The following SLC2A13 variants were observed in gnomAD, a reference collection of about 807,000 sequenced individuals.
SLC2A13 encodes proton myo-inositol cotransporter.
Under a neutral mutation model 64.4 loss-of-function variants are expected in SLC2A13, and 32 were observed. The ratio of observed to expected loss-of-function variants is 0.50; its 90% CI spans 0.37 to 0.67. The LOEUF (loss-of-function observed/expected upper bound fraction) is 0.67. Among genes scored for constraint, SLC2A13 ranks in the 30% least tolerant of loss-of-function variants. SLC2A13 has a pLI of 0.00. For synonymous variants in SLC2A13, 338 were observed against 327.1 expected, an observed-to-expected ratio of 1.03 and a Z score of -0.36; for missense variants, 743 against 829.2, an observed-to-expected ratio of 0.90 and a Z score of 1.28.
intron 4 of SLC2A13, among the ~76,000 whole-genome samples, chr12:39,898,938 T>A (rs1945002753): frequency 1.3e-5 from 2 of 152,178 alleles, no homozygotes; most frequent in Non-Finnish European, 2.9e-5. Flanking sequence ...TGATCTAAAA[T>A]TCTCTTTTTT....
At chr12:40,018,789 G>A (rs1442427566) in intron 3 of SLC2A13, among the ~76,000 whole-genome samples, 1 of 152,102 alleles carries the variant, frequency 6.6e-6, no homozygotes, top group Non-Finnish European at 1.5e-5. Context: ...CAATCTCAGG[G>A]TGTCTCCAGG....
At chr12:40,011,813 GCAAAATGAAAATGTGAGTC>G in intron 3 of SLC2A13, among the ~76,000 whole-genome samples, 1 of 152,152 alleles carries the variant, frequency 6.6e-6, no homozygotes, top group South Asian at 2.1e-4. Context: ...AGGGCTGAGG[GCAAAATGAAAATGTGAGTC>G]CCGTGCTCAA....
At chr12:39,863,488 T>C (rs547733318) in intron 6 of SLC2A13, among the ~76,000 whole-genome samples, 10 of 152,162 alleles carry the variant, frequency 6.6e-5, no homozygotes, top group Non-Finnish European at 1.3e-4. Flanking sequence ...TGGAGAATAT[T>C]CTATGATTCT....
chr12:39,935,154 C>G (rs1945897139), intron 4 of SLC2A13, among the ~76,000 whole-genome samples: 1 of 152,122 alleles, frequency 6.6e-6, no homozygotes, highest in African/African-American at 2.4e-5. Context: ...CTTAGGAAGG[C>G]AGAGGTGGGA....
intron 7 of SLC2A13, among the ~76,000 whole-genome samples, chr12:39,822,450 C>G (rs1942551315): frequency 6.6e-6 from 1 of 152,186 alleles, no homozygotes; most frequent in African/African-American, 2.4e-5. Flanking sequence ...GATCTAAACT[C>G]ATATTTACTG....
intron 6 of SLC2A13, among the ~76,000 whole-genome samples, chr12:39,859,193 C>CTA (rs1449079362): frequency 6.6e-6 from 1 of 151,476 alleles, no homozygotes; most frequent in Non-Finnish European, 1.5e-5. Context: ...AAATGTGAAA[C>CTA]TATCACTATA....
At chr12:40,037,178 T>C (rs1948002127) in intron 2 of SLC2A13, among the ~76,000 whole-genome samples, 1 of 152,182 alleles carries the variant, frequency 6.6e-6, no homozygotes, top group African/African-American at 2.4e-5. Context: ...GAAATTGGAC[T>C]CAAATTTACT....
chr12:40,016,165 A>G (rs963878029), intron 3 of SLC2A13, among the ~76,000 whole-genome samples: 61 of 152,090 alleles, frequency 4.0e-4, no homozygotes, highest in African/African-American at 1.4e-3. Flanking sequence ...AGAATAAAGA[A>G]CTTATAATTT....
intron 1 of SLC2A13, among the ~76,000 whole-genome samples, chr12:40,096,334 CTG>C (rs1938942230): frequency 6.6e-6 from 1 of 152,018 alleles, no homozygotes; most frequent in South Asian, 2.1e-4. Context: ...TATTTACTAA[CTG>C]TATTTTTCTT....
intron 4 of SLC2A13, among the ~76,000 whole-genome samples, chr12:39,884,740 G>A (rs537625757): frequency 1.3e-5 from 2 of 152,278 alleles, no homozygotes; most frequent in East Asian, 1.9e-4. Flanking sequence ...TGAAGGCAGC[G>A]ATGAGCTCCA....
chr12:39,896,250 AT>A (rs1262213854), intron 4 of SLC2A13, among the ~76,000 whole-genome samples: 2 of 99,822 alleles, frequency 2.0e-5, no homozygotes, highest in East Asian at 6.8e-4. Flanking sequence ...ATATGTATAC[AT>A]GTATGTATAT....
At chr12:40,009,805 T>A (rs1026883054) in intron 3 of SLC2A13, among the ~76,000 whole-genome samples, 2 of 152,106 alleles carry the variant, frequency 1.3e-5, no homozygotes, top group Non-Finnish European at 2.9e-5. Flanking sequence ...GAGACATGGG[T>A]CCTAAAACAA....
chr12:40,020,658 CT>C (rs2136206373), intron 3 of SLC2A13, among the ~76,000 whole-genome samples: 1 of 152,180 alleles, frequency 6.6e-6, no homozygotes, highest in East Asian at 1.9e-4. Context: ...TAAAGAATGG[CT>C]CCTGTGCCTT....
At chr12:39,909,661 A>G (rs914792461) in intron 4 of SLC2A13, among the ~76,000 whole-genome samples, 1 of 152,156 alleles carries the variant, frequency 6.6e-6, no homozygotes, top group Non-Finnish European at 1.5e-5. Flanking sequence ...AAGTCATGGT[A>G]GTCAAGGGGA....
chr12:40,001,294 T>C (rs1947317994), intron 3 of SLC2A13, among the ~76,000 whole-genome samples: 1 of 152,232 alleles, frequency 6.6e-6, no homozygotes, highest in South Asian at 2.1e-4. Context: ...AATTTGTAAA[T>C]TTTCTTTCAA....
chr12:39,895,256 C>G (rs577894215), intron 4 of SLC2A13, among the ~76,000 whole-genome samples: 8 of 151,676 alleles, frequency 5.3e-5, no homozygotes, highest in Non-Finnish European at 7.4e-5. Context: ...AAAAAAAGGC[C>G]GAGGCGGGCG....
intron 7 of SLC2A13, among the ~76,000 whole-genome samples, chr12:39,767,604 G>A (rs557027853): frequency 6.6e-6 from 1 of 152,146 alleles, no homozygotes; most frequent in East Asian, 1.9e-4. Flanking sequence ...TCCAACAGAA[G>A]GCAGTTTCAT....
At chr12:40,056,002 A>G (rs1948328231) in intron 1 of SLC2A13, among the ~76,000 whole-genome samples, 1 of 150,202 alleles carries the variant, frequency 6.7e-6, no homozygotes, top group Non-Finnish European at 1.5e-5. Flanking sequence ...AAAAAAAAAC[A>G]AAACAAACAA....
At chr12:39,884,623 G>C (rs555214616) in intron 4 of SLC2A13, among the ~76,000 whole-genome samples, 1 of 152,166 alleles carries the variant, frequency 6.6e-6, no homozygotes, top group Non-Finnish European at 1.5e-5. Context: ...GACTGTTCAG[G>C]GAGGGTGGGA....
Sources: allele counts gnomAD v4.1 joint callset (sites outside exome capture counted in the v4.1 genomes callset), GRCh38; gene constraint gnomAD v4.1.1; transcripts MANE v1.5; gene names NCBI Gene and HGNC (gene_info 2026-07-23, HGNC 2026-07-21).